Variants in ST6GALNAC5 observed in about 807,000 individuals in gnomAD.
ST6GALNAC5 encodes ST6 N-acetylgalactosaminide alpha-2,6-sialyltransferase 5, also known as alpha-N-acetylgalactosaminide alpha-2,6-sialyltransferase 5.
Under a neutral mutation model 33.6 loss-of-function variants are expected in ST6GALNAC5, and 27 were observed. The observed-to-expected ratio is 0.80, with a 90% CI of 0.59 to 1.11. ST6GALNAC5 has a LOEUF of 1.11. Ranked by LOEUF, ST6GALNAC5 falls within the 50% of genes least tolerant of loss-of-function variation. ST6GALNAC5 has a pLI of 0.00. For synonymous variants in ST6GALNAC5, 194 were observed against 171.2 expected (o/e 1.13, Z -1.04); for missense variants, 428 against 454.0 (o/e 0.94, Z 0.52).
intron 2 of ST6GALNAC5, among the ~76,000 whole-genome samples, chr1:76,938,134 G>A (rs1647236440): frequency 6.6e-6 from 1 of 152,052 alleles, no homozygotes; most frequent in South Asian, 2.1e-4. Context: ...AGATCCTGCA[G>A]AGAGGTCCAT....
chr1:76,939,176 G>T (rs1647266384), intron 2 of ST6GALNAC5, among the ~76,000 whole-genome samples: 1 of 151,978 alleles, frequency 6.6e-6, no homozygotes, highest in African/African-American at 2.4e-5. Flanking sequence ...GCATTAGGAG[G>T]TTGAGTGCCG....
chr1:77,012,393 T>A lies in ST6GALNAC5; in HGVS notation c.262-31811T>A, dbSNP rs79583677. On this transcript the variant is annotated intron_variant, in intron 2 of 4. Transcript: ENST00000477717. The stretch of plus-strand genomic sequence containing the variant: ...TCCAGGTTACTCCTTGCTCCGGAAA[T>A]AAGGAAAAGCACTAATATGAAGTAG... Among the ~76,000 whole-genome samples the A allele has an allele frequency of 5.9e-3, 902 of 152,180 alleles. 64 individuals are homozygous for A. The East Asian group carries it at 0.14, about 24-fold the overall frequency.
intron 2 of ST6GALNAC5, among the ~76,000 whole-genome samples, chr1:77,005,150 TG>T (rs1650346623): frequency 6.6e-6 from 1 of 152,240 alleles, no homozygotes; most frequent in African/African-American, 2.4e-5. Flanking sequence ...CGAGACTCCG[TG>T]GGGTAGTACC....
chr1:76,907,713 GTTTTCCTCCTA>G (rs1376110511), intron 2 of ST6GALNAC5, among the ~76,000 whole-genome samples: 1 of 152,102 alleles, frequency 6.6e-6, no homozygotes, highest in Non-Finnish European at 1.5e-5. Context: ...ATTGACATGA[GTTTTCCTCCTA>G]TTAAGCATGG....
At chr1:76,893,044 C>T (rs1039093975) in intron 2 of ST6GALNAC5, among the ~76,000 whole-genome samples, 4 of 152,132 alleles carry the variant, frequency 2.6e-5, no homozygotes, top group Admixed American at 2.6e-4. Context: ...CAGGATTTTG[C>T]TCTGAATATC....
At chr1:76,892,754 C>G (rs1335851960) in intron 2 of ST6GALNAC5, among the ~76,000 whole-genome samples, 1 of 152,140 alleles carries the variant, frequency 6.6e-6, no homozygotes, top group Non-Finnish European at 1.5e-5. Flanking sequence ...GTCCTTTAAC[C>G]AATAAACAGA....
Position 76,952,179 on chromosome 1 carries a change from A to G in ST6GALNAC5, c.261+83437A>G, listed in dbSNP as rs192717604. On this transcript the variant is annotated intron_variant, in intron 2 of 4. Transcript: ENST00000477717. ...TGATTGGTGGTGTTTGCTTATTTCTATGATATAATACTTCCTTACAGCTGG... is the reference window on the plus strand; with the variant it reads ...TGATTGGTGGTGTTTGCTTATTTCTGTGATATAATACTTCCTTACAGCTGG... Among the ~76,000 whole-genome samples, 368 of 152,222 alleles carry G rather than the reference A, an allele frequency of 2.4e-3. 3 individuals carry two copies. Among genetic ancestry groups the G allele is most frequent in the African/African-American group, 8.3e-3 (346 of 41,556 alleles).
chr1:77,016,126 C>G (rs1412618191), intron 2 of ST6GALNAC5, among the ~76,000 whole-genome samples: 1 of 141,058 alleles, frequency 7.1e-6, no homozygotes, highest in African/African-American at 2.7e-5. Context: ...CTCTCCTCCT[C>G]CTGTATCTCC....
rs140813681 is a variant in ST6GALNAC5, at chr1:77,060,503, G to T, written c.780-2472G>T. ...CAGCTGATGGCAGGCTCACAGCTGGGGTAGATGTTCCTGCAGTTTCCAGCG... is the reference window on the plus strand; with the variant it reads ...CAGCTGATGGCAGGCTCACAGCTGGTGTAGATGTTCCTGCAGTTTCCAGCG... On this transcript the variant is annotated intron_variant, in intron 4 of 4. Coordinates refer to ENST00000477717, the MANE Select transcript of ST6GALNAC5 (RefSeq NM_030965.3). Among the ~76,000 whole-genome samples the T allele has an allele frequency of 3.3e-5, 5 of 152,216 alleles. No homozygotes were observed. In the East Asian group the frequency reaches 9.6e-4, roughly 29 times the overall value.
intron 2 of ST6GALNAC5, among the ~76,000 whole-genome samples, chr1:77,014,502 T>G (rs1650751630): frequency 6.6e-6 from 1 of 152,192 alleles, no homozygotes; most frequent in African/African-American, 2.4e-5. Context: ...CTTAGAATGA[T>G]CCAAGCAGTG....
At chr1:76,941,685 CTG>C (rs568544823) in intron 2 of ST6GALNAC5, among the ~76,000 whole-genome samples, 3 of 152,056 alleles carry the variant, frequency 2.0e-5, no homozygotes, top group Admixed American at 6.6e-5. Flanking sequence ...GAGGCAGAGA[CTG>C]GAGTGAGGCA....
chr1:76,993,910 A>T (rs1649828561), intron 2 of ST6GALNAC5, among the ~76,000 whole-genome samples: 1 of 152,170 alleles, frequency 6.6e-6, no homozygotes. Context: ...ACTTTGGTTG[A>T]AAAGGAAAAA....
intron 2 of ST6GALNAC5, among the ~76,000 whole-genome samples, chr1:76,988,685 A>AT (rs1649605641): frequency 6.6e-6 from 1 of 151,898 alleles, no homozygotes; most frequent in Non-Finnish European, 1.5e-5. Context: ...CAGTAAACAC[A>AT]TTTTCTCATC....
At chr1:77,043,144 A>G (rs962076312) in intron 2 of ST6GALNAC5, among the ~76,000 whole-genome samples, 2 of 152,274 alleles carry the variant, frequency 1.3e-5, no homozygotes, top group African/African-American at 4.8e-5. Flanking sequence ...GAAGAAGCGC[A>G]TAGACTCTGG....
At chr1:76,872,075 ACAC>A (rs1653519072) in intron 2 of ST6GALNAC5, among the ~76,000 whole-genome samples, 2 of 100,686 alleles carry the variant, frequency 2.0e-5, no homozygotes, top group African/African-American at 1.0e-4. Flanking sequence ...GCTAACACAC[ACAC>A]ACACACACAC....
rs758084271 is a variant in ST6GALNAC5, at chr1:77,044,251, G to A, written c.309G>A (p.Gly103=). ...ACTGTGCCCTGGTGACCAGCTCAGG[G>A]CATCTGCTGCACAGTCGGCAAGGCT... is the stretch of plus-strand genomic sequence containing the variant. ...CRDCALVTSS[G]HLLHSRQGSQ... Residue 103 remains glycine, a synonymous_variant, in exon 3 of 5, where the codon GGG becomes GGA. Transcript: ENST00000477717. 5 of 1,613,602 alleles carry A rather than the reference G, an allele frequency of 3.1e-6. 1 individual carries two copies. The Admixed American group carries it at 8.3e-5, about 27-fold the overall frequency.
intron 2 of ST6GALNAC5, among the ~76,000 whole-genome samples, chr1:77,030,104 C>T (rs2100446829): frequency 6.6e-6 from 1 of 152,262 alleles, no homozygotes; most frequent in Admixed American, 6.5e-5. Flanking sequence ...ATTCTCAATA[C>T]CTCCCATTTC....
At chr1:76,913,027 A>AT (rs1646930470) in intron 2 of ST6GALNAC5, among the ~76,000 whole-genome samples, 1 of 152,030 alleles carries the variant, frequency 6.6e-6, no homozygotes. Context: ...TGGTCTTTAC[A>AT]TTTTGGCATG....
chr1:76,913,919 G>A (rs978632501), intron 2 of ST6GALNAC5, among the ~76,000 whole-genome samples: 2 of 152,112 alleles, frequency 1.3e-5, no homozygotes, highest in Non-Finnish European at 2.9e-5. Flanking sequence ...GTTTGCAGAC[G>A]ACATGATTGT....
Sources: allele counts gnomAD v4.1 joint callset (sites outside exome capture counted in the v4.1 genomes callset), GRCh38; gene constraint gnomAD v4.1.1; transcripts MANE v1.5; gene names NCBI Gene and HGNC (gene_info 2026-07-23, HGNC 2026-07-21).